Variants in SEMA6D observed in about 807,000 individuals in gnomAD.
SEMA6D encodes the protein semaphorin 6D.
A neutral mutation model predicts 106.6 loss-of-function variants in SEMA6D; 35 were observed. The ratio of observed to expected loss-of-function variants is 0.33; its 90% CI spans 0.25 to 0.44. The LOEUF is 0.44. Among genes scored for constraint, SEMA6D ranks in the 20% least tolerant of loss-of-function variants. SEMA6D has a pLI of 1.00. For synonymous variants in SEMA6D, 499 were observed against 487.7 expected, an observed-to-expected ratio of 1.02 and a Z score of -0.31; for missense variants, 1,185 against 1,345.9, an observed-to-expected ratio of 0.88 and a Z score of 1.87.
At chr15:47,548,477 T>C (rs1396358861) in intron 3 of SEMA6D, among the ~76,000 whole-genome samples, 1 of 152,148 alleles carries the variant, frequency 6.6e-6, no homozygotes, top group Non-Finnish European at 1.5e-5. Flanking sequence ...AATTTGCACA[T>C]GTTCAAAAAT....
intron 1 of SEMA6D, among the ~76,000 whole-genome samples, chr15:47,193,831 ATC>A (rs1894140712): frequency 6.6e-6 from 1 of 152,052 alleles, no homozygotes; most frequent in Non-Finnish European, 1.5e-5. Context: ...TCTGCAGAAT[ATC>A]TCTTACTCTT....
intron 1 of SEMA6D, among the ~76,000 whole-genome samples, chr15:47,388,627 G>A (rs1009632213): frequency 6.6e-6 from 1 of 152,090 alleles, no homozygotes; most frequent in Non-Finnish European, 1.5e-5. Flanking sequence ...CGTCCACTGG[G>A]GGTTTTGGAA....
intron 3 of SEMA6D, among the ~76,000 whole-genome samples, chr15:47,536,813 TAAG>T (rs1374893421): frequency 6.6e-6 from 1 of 152,110 alleles, no homozygotes; most frequent in Non-Finnish European, 1.5e-5. Context: ...TAGAGAAACC[TAAG>T]AAGATGGAAA....
intron 3 of SEMA6D, among the ~76,000 whole-genome samples, chr15:47,522,864 C>T (rs1230542105): frequency 1.3e-5 from 2 of 152,138 alleles, no homozygotes; most frequent in African/African-American, 2.4e-5. Context: ...AAGATATTTA[C>T]AGGTTAAGGG....
intron 2 of SEMA6D, among the ~76,000 whole-genome samples, chr15:47,444,383 A>G (rs887076104): frequency 6.6e-6 from 1 of 152,134 alleles, no homozygotes; most frequent in Non-Finnish European, 1.5e-5. Context: ...AGTGCTAGGG[A>G]GTAAAGAATA....
At chr15:47,423,600 G>A (rs1004634668) in intron 2 of SEMA6D, among the ~76,000 whole-genome samples, 2 of 151,966 alleles carry the variant, frequency 1.3e-5, no homozygotes, top group South Asian at 2.1e-4. Context: ...AAATACATAG[G>A]ATAAAGAAAT....
intron 1 of SEMA6D, among the ~76,000 whole-genome samples, chr15:47,383,305 G>T (rs1202999628): frequency 6.6e-6 from 1 of 152,192 alleles, no homozygotes; most frequent in Non-Finnish European, 1.5e-5. Context: ...CAGAGCTTCT[G>T]ATTCATCTTG....
intron 1 of SEMA6D, among the ~76,000 whole-genome samples, chr15:47,737,734 G>GT (rs955308491): frequency 7.2e-5 from 11 of 151,890 alleles, no homozygotes; most frequent in Non-Finnish European, 1.5e-4. Context: ...AATAAGTTTC[G>GT]TTTTTTTCCT....
chr15:47,486,292 A>G (rs2043294695), intron 3 of SEMA6D, among the ~76,000 whole-genome samples: 2 of 152,242 alleles, frequency 1.3e-5, no homozygotes, highest in South Asian at 4.1e-4. Flanking sequence ...AAATAAACAG[A>G]TGTGCACCAC....
At chr15:47,768,919 T>C (rs1368948111) in intron 18 of SEMA6D, among the ~76,000 whole-genome samples, 171 bp downstream of exon 18, 1 of 152,094 alleles carries the variant, frequency 6.6e-6, no homozygotes, top group African/African-American at 2.4e-5. Context: ...CTGAGTGCAT[T>C]CCTTAAAAGA....
At chr15:47,617,030 C>T (rs1431621392) in intron 4 of SEMA6D, among the ~76,000 whole-genome samples, 2 of 152,196 alleles carry the variant, frequency 1.3e-5, no homozygotes, top group Non-Finnish European at 2.9e-5. Context: ...GCAAACTTAG[C>T]TCCCAGGCAT....
chr15:47,723,746 A>T (rs1260712663), intron 1 of SEMA6D, among the ~76,000 whole-genome samples: 2 of 152,194 alleles, frequency 1.3e-5, no homozygotes, highest in Non-Finnish European at 2.9e-5. Context: ...AAGAAACAAA[A>T]AGGGAAATAC....
intron 1 of SEMA6D, among the ~76,000 whole-genome samples, chr15:47,726,587 A>T (rs1424983876): frequency 6.6e-6 from 1 of 152,198 alleles, no homozygotes; most frequent in Non-Finnish European, 1.5e-5. Context: ...AGTGTGACTG[A>T]TAAGCTGTGT....
rs539256264 is a variant in SEMA6D, at chr15:47,234,739, A to T, written c.-239+50321A>T. On this transcript the variant is annotated intron_variant, in intron 1 of 19. Coordinates refer to the SEMA6D transcript ENST00000558014. ...ATATATTATCACATTTTCTTTATCC[A>T]CTCATCAGTTGATGGGCACTTAGGT... 1.1e-4 allele frequency among the ~76,000 whole-genome samples: 16 copies of T among 151,780 alleles called. No individual in the cohort carries two copies. In the East Asian group the frequency reaches 2.3e-3, roughly 22 times the overall value.
chr15:47,281,862 C>T (rs35757832), intron 1 of SEMA6D, among the ~76,000 whole-genome samples: 49,460 of 151,838 alleles, frequency 0.33, 8,419 homozygotes, highest in Middle Eastern at 0.5. Context: ...TATATTTCCA[C>T]GATACATCTA....
At chr15:47,478,840 C>G (rs1366619945) in intron 3 of SEMA6D, among the ~76,000 whole-genome samples, 1 of 152,028 alleles carries the variant, frequency 6.6e-6, no homozygotes, top group Non-Finnish European at 1.5e-5. Context: ...CTGGGGAGTC[C>G]TTATAGTCAT....
At chr15:47,734,419 C>T (rs2080327547) in intron 1 of SEMA6D, among the ~76,000 whole-genome samples, 1 of 152,118 alleles carries the variant, frequency 6.6e-6, no homozygotes, top group Non-Finnish European at 1.5e-5. Flanking sequence ...TCTGCTGTTG[C>T]CATCTTCAAA....
intron 1 of SEMA6D, among the ~76,000 whole-genome samples, chr15:47,377,345 A>T (rs281251): frequency 6.6e-6 from 1 of 151,910 alleles, no homozygotes; most frequent in Non-Finnish European, 1.5e-5. Flanking sequence ...GGGGAAATTC[A>T]GTAATTCCTA....
rs556937121 is a variant in SEMA6D at position 47,261,151 on chromosome 15, G to A, written c.-239+76733G>A. ...CAGCTAGTGCTATTTTTAATTGGCT[G>A]TGTGGCTTATTTTACTAACCGAGTT... is the stretch of plus-strand genomic sequence containing the variant. On this transcript the variant is annotated intron_variant, in intron 1 of 19. Coordinates refer to the SEMA6D transcript ENST00000558014. 1.3e-5 allele frequency among the ~76,000 whole-genome samples: 2 copies of A among 152,270 alleles called. 1 individual carries two copies. The highest frequency in any genetic ancestry group is 1.3e-4 in the Admixed American group (2 of 15,290).
Sources: gnomAD v4.1 joint callset for allele counts (sites outside exome capture counted in the v4.1 genomes callset) on GRCh38, gnomAD v4.1.1 for gene constraint, MANE v1.5 for transcripts, NCBI Gene and HGNC (gene_info 2026-07-23, HGNC 2026-07-21) for gene names.